The following TNFRSF10A variants were observed in gnomAD, a reference collection of about 807,000 sequenced individuals.
The protein encoded by TNFRSF10A is TNF receptor superfamily member 10a, also known as tumor necrosis factor receptor superfamily member 10A.
In TNFRSF10A, 44 loss-of-function variants were observed where a neutral mutation model predicts 42.8. The ratio of observed to expected loss-of-function variants is 1.03; its 90% CI spans 0.81 to 1.32. TNFRSF10A has a LOEUF of 1.32. Ranked by LOEUF, TNFRSF10A falls within the 40% of genes most tolerant of loss-of-function variation. TNFRSF10A has a pLI of 0.00. For missense variants in TNFRSF10A, 680 were observed against 602.0 expected (o/e 1.13, Z -1.36); for synonymous variants, 259 against 234.2 (o/e 1.11, Z -0.97).
intron 2 of TNFRSF10A, 55 bp from the exon 3 acceptor site, chr8:23,202,816 C>G (rs953498190): frequency 1.6e-6 from 2 of 1,277,396 alleles, no homozygotes; most frequent in African/African-American, 2.9e-5. Context: ...CCCAGAGGAT[C>G]GTGGCGGTGG....
rs771842289 is a variant in TNFRSF10A at position 23,199,440 on chromosome 8, G to A, written c.840C>T (p.Phe280=). ...GCCCTCGTAGGAGACCCAAGCGCCA[G>A]AAACACACCTTAGGAAGGCAAAGAG... The part of the protein sequence containing the change: ...GDPKCMDRVC[F]WRLGLLRGPG... Residue 280 remains phenylalanine (F), a synonymous_variant, in exon 8 of 10, where the codon TTC becomes TTT. Transcript: ENST00000221132. 5.0e-6 allele frequency: 8 copies of A among 1,611,360 alleles called. No homozygotes were observed. In the South Asian group the frequency reaches 8.8e-5, roughly 18 times the overall value.
intron 1 of TNFRSF10A, among the ~76,000 whole-genome samples, chr8:23,224,038 G>T (rs138038544): frequency 6.6e-6 from 1 of 152,272 alleles, no homozygotes; most frequent in East Asian, 1.9e-4. Flanking sequence ...AGAAAAGAAG[G>T]ATGGAGGGCC....
intron 2 of TNFRSF10A, among the ~76,000 whole-genome samples, chr8:23,207,709 A>G (rs1801036465): frequency 6.6e-6 from 1 of 152,034 alleles, no homozygotes; most frequent in Non-Finnish European, 1.5e-5. Context: ...ATAAGATCTG[A>G]TGGTTATTAT....
chr8:23,214,642 G>T (rs998649770), intron 1 of TNFRSF10A, among the ~76,000 whole-genome samples: 1 of 152,004 alleles, frequency 6.6e-6, no homozygotes, highest in Non-Finnish European at 1.5e-5. Context: ...GACTTGTTTT[G>T]TGGCCTAACA....
chr8:23,199,858 C>G (rs1043472056), intron 7 of TNFRSF10A, 28 bp downstream of exon 7: 2 of 1,614,126 alleles, frequency 1.2e-6, no homozygotes, highest in Non-Finnish European at 1.7e-6. Flanking sequence ...GCCCCTGATG[C>G]CCCCAGCTCC....
At chr8:23,207,392 T>G in intron 2 of TNFRSF10A, 1 of 549,816 alleles carries the variant, frequency 1.8e-6, no homozygotes, top group East Asian at 4.6e-5. Flanking sequence ...TGGCTAATTC[T>G]AAATACATGT....
intron 2 of TNFRSF10A, among the ~76,000 whole-genome samples, chr8:23,211,268 C>G (rs1460734764): frequency 1.3e-5 from 2 of 151,894 alleles, no homozygotes; most frequent in Non-Finnish European, 2.9e-5. Flanking sequence ...CACAATGAAT[C>G]CTAAAATGAA....
intron 9 of TNFRSF10A, 108 bp from the exon 10 acceptor site, chr8:23,192,121 C>A (rs1362854102): frequency 6.7e-7 from 1 of 1,490,292 alleles, no homozygotes; most frequent in Non-Finnish European, 8.9e-7. Flanking sequence ...CTGGAGAGCC[C>A]CCTGCATGGG....
At chr8:23,202,911 T>A (rs1800954729) in intron 2 of TNFRSF10A, 150 bp from the exon 3 acceptor site, 1 of 596,084 alleles carries the variant, frequency 1.7e-6, no homozygotes, top group Admixed American at 2.8e-5. Flanking sequence ...CAATTCTGCA[T>A]CTATACACAC....
At chr8:23,224,628 C>T (rs1563389202) in intron 1 of TNFRSF10A, 128 bp downstream of exon 1, 4 of 1,266,770 alleles carry the variant, frequency 3.2e-6, no homozygotes, top group Non-Finnish European at 4.3e-6. Flanking sequence ...ACGACGGGCT[C>T]CTCCTGCCCG....
intron 1 of TNFRSF10A, among the ~76,000 whole-genome samples, chr8:23,218,136 G>A (rs899832616): frequency 1.3e-5 from 2 of 152,066 alleles, no homozygotes; most frequent in Admixed American, 6.6e-5. Context: ...GCTCATGGGG[G>A]TGTGAGGTTG....
chr8:23,203,604 A>AT (rs957973493), intron 2 of TNFRSF10A, among the ~76,000 whole-genome samples: 1 of 152,108 alleles, frequency 6.6e-6, no homozygotes, highest in African/African-American at 2.4e-5. Context: ...CCATTTATTT[A>AT]TCCCTCTCCT....
At chr8:23,201,495 T>G (rs1477999134) in intron 4 of TNFRSF10A, among the ~76,000 whole-genome samples, 1 of 152,208 alleles carries the variant, frequency 6.6e-6, no homozygotes, top group African/African-American at 2.4e-5. Context: ...AAATATTTCA[T>G]GTACCTCTGT....
chr8:23,202,743 T>C lies in TNFRSF10A; in HGVS notation c.422A>G (p.His141Arg), dbSNP rs17620. The C allele has an allele frequency of 0.49, 788,933 of 1,610,774 alleles. 203,964 individuals are homozygous for C. The highest frequency in any genetic ancestry group is 0.98 in the East Asian group (44,023 of 44,854). The change falls in exon 3 of 10, where the codon CAT becomes CGT. Residue 141 changes from histidine (H) to arginine (R), a missense_variant. By Grantham distance (29) the His-to-Arg change is conservative (BLOSUM62 0). Transcript: ENST00000221132. ...TGTGCACCGGTTACAGGCTCCAGGA[T>C]GTTCTGATCTATGAGATCCTGGGAA... Reference protein sequence around the residue: ...LCPPGSHRSEHPGACNRCTEG... With the variant: ...LCPPGSHRSERPGACNRCTEG...
At chr8:23,203,924 G>C (rs189613770) in intron 2 of TNFRSF10A, among the ~76,000 whole-genome samples, 3 of 152,048 alleles carry the variant, frequency 2.0e-5, no homozygotes, top group Non-Finnish European at 2.9e-5. Context: ...CTACAGGAGC[G>C]TGCCACCACG....
At chr8:23,198,332 T>C (rs2128847148) in intron 8 of TNFRSF10A, among the ~76,000 whole-genome samples, 1 of 152,202 alleles carries the variant, frequency 6.6e-6, no homozygotes, top group South Asian at 2.1e-4. Flanking sequence ...GTTAGAGGAG[T>C]TCGTCTTGTG....
chr8:23,205,110 C>T (rs1029713767), intron 2 of TNFRSF10A, among the ~76,000 whole-genome samples: 1 of 151,948 alleles, frequency 6.6e-6, no homozygotes, highest in Non-Finnish European at 1.5e-5. Context: ...AGAAAAACAA[C>T]AGAGTAAATT....
chr8:23,208,976 G>A (rs774357278), intron 2 of TNFRSF10A, among the ~76,000 whole-genome samples: 1 of 152,154 alleles, frequency 6.6e-6, no homozygotes, highest in Admixed American at 6.5e-5. Flanking sequence ...TCACAGGCCC[G>A]AAGGCCTAGG....
chr8:23,207,805 T>C (rs532339523), intron 2 of TNFRSF10A, among the ~76,000 whole-genome samples: 1 of 152,222 alleles, frequency 6.6e-6, no homozygotes, highest in East Asian at 1.9e-4. Context: ...TCCATCATTA[T>C]TGTAAGACTT....
Sources: allele counts gnomAD v4.1 joint callset (sites outside exome capture counted in the v4.1 genomes callset), GRCh38; gene constraint gnomAD v4.1.1; transcripts MANE v1.5; gene names NCBI Gene and HGNC (gene_info 2026-07-23, HGNC 2026-07-21).